DOCK3: variants seen among roughly 807,000 people sequenced by gnomAD.
DOCK3 encodes the protein dedicator of cytokinesis protein 3.
Under a neutral mutation model 265.6 loss-of-function variants are expected in DOCK3, and 60 were observed. That is an observed-to-expected ratio of 0.23 (90% CI 0.18 to 0.28). The LOEUF (loss-of-function observed/expected upper bound fraction) is 0.28, where lower values mean the gene tolerates loss of function less well. Among genes scored for constraint, DOCK3 ranks in the 10% least tolerant of loss-of-function variants. The pLI is 1.00. For missense variants in DOCK3, 1,981 were observed against 2,594.3 expected, an observed-to-expected ratio of 0.76 and a Z score of 5.14; for synonymous variants, 881 against 938.0, an observed-to-expected ratio of 0.94 and a Z score of 1.11.
intron 1 of DOCK3, among the ~76,000 whole-genome samples, chr3:50,774,179 A>G (rs1480645317): frequency 3.3e-5 from 5 of 151,956 alleles, no homozygotes; most frequent in African/African-American, 9.7e-5. Context: ...GAGAGGCTTG[A>G]TATCAGTATA....
chr3:51,186,168 G>A (rs2087589622), intron 12 of DOCK3, among the ~76,000 whole-genome samples: 1 of 152,138 alleles, frequency 6.6e-6, no homozygotes, highest in Non-Finnish European at 1.5e-5. Flanking sequence ...ATAGTGATAT[G>A]GACAATAAGG....
chr3:51,112,683 G>C (rs2083571587), intron 9 of DOCK3, among the ~76,000 whole-genome samples: 1 of 152,210 alleles, frequency 6.6e-6, no homozygotes. Context: ...AGGGGCGACT[G>C]TTGAGTGTAT....
intron 19 of DOCK3, among the ~76,000 whole-genome samples, chr3:51,234,539 T>A (rs901553266): frequency 2.6e-5 from 4 of 152,194 alleles, no homozygotes; most frequent in African/African-American, 4.8e-5. Flanking sequence ...GCTCCTTTTT[T>A]AAAAAGGTAT....
chr3:50,741,976 G>T (rs912072679), intron 1 of DOCK3, among the ~76,000 whole-genome samples: 2 of 152,096 alleles, frequency 1.3e-5, no homozygotes, highest in African/African-American at 4.8e-5. Flanking sequence ...TCTAACTGGC[G>T]TGAGATGGTA....
At chr3:50,726,368 A>G (rs140473390) in intron 1 of DOCK3, among the ~76,000 whole-genome samples, 2 of 152,204 alleles carry the variant, frequency 1.3e-5, no homozygotes, top group Non-Finnish European at 2.9e-5. Context: ...AAGGAGATAC[A>G]GGAGGTATAA....
intron 32 of DOCK3, among the ~76,000 whole-genome samples, chr3:51,318,544 G>A (rs1198632279): frequency 6.6e-6 from 1 of 151,530 alleles, no homozygotes; most frequent in African/African-American, 2.4e-5. Context: ...CTGTTTTTTG[G>A]TGCTCTTCTA....
At chr3:50,827,836 C>T (rs1326316396) in intron 2 of DOCK3, among the ~76,000 whole-genome samples, 2 of 152,058 alleles carry the variant, frequency 1.3e-5, no homozygotes, top group Non-Finnish European at 2.9e-5. Context: ...TTCTTATTTT[C>T]CTTGAATTAA....
chr3:51,278,904 T>A (rs2080965621), intron 26 of DOCK3, among the ~76,000 whole-genome samples: 1 of 152,190 alleles, frequency 6.6e-6, no homozygotes, highest in East Asian at 1.9e-4. Flanking sequence ...ATGCCCATTT[T>A]TCAGATAAAA....
At chr3:51,169,001 A>C (rs562061543) in intron 12 of DOCK3, among the ~76,000 whole-genome samples, 1 of 152,338 alleles carries the variant, frequency 6.6e-6, no homozygotes, top group African/African-American at 2.4e-5. Flanking sequence ...AACATCACTG[A>C]TCATTAGAGA....
At chr3:51,013,379 T>C (rs1039251514) in intron 5 of DOCK3, among the ~76,000 whole-genome samples, 1 of 152,222 alleles carries the variant, frequency 6.6e-6, no homozygotes, top group Non-Finnish European at 1.5e-5. Context: ...CCTTTCTGTT[T>C]GTTAGTTTTC....
At chr3:50,784,451 G>A (rs1436295357) in intron 2 of DOCK3, among the ~76,000 whole-genome samples, 2 of 152,112 alleles carry the variant, frequency 1.3e-5, no homozygotes, top group African/African-American at 4.8e-5. Context: ...TGTGATGCTT[G>A]CAGATTTGTT....
At chr3:50,963,072 C>T (rs1010938242) in intron 5 of DOCK3, among the ~76,000 whole-genome samples, 1 of 152,102 alleles carries the variant, frequency 6.6e-6, no homozygotes, top group African/African-American at 2.4e-5. Context: ...GTAATCCCAG[C>T]TACATGGGAG....
chr3:50,888,567 G>T (rs1553558570), intron 3 of DOCK3, among the ~76,000 whole-genome samples: 1 of 151,592 alleles, frequency 6.6e-6, no homozygotes, highest in Non-Finnish European at 1.5e-5. Flanking sequence ...ATCCTAAGCC[G>T]AAAGAACAAA....
intron 9 of DOCK3, among the ~76,000 whole-genome samples, chr3:51,111,922 A>G (rs2083537697): frequency 6.6e-6 from 1 of 152,242 alleles, no homozygotes; most frequent in Non-Finnish European, 1.5e-5. Flanking sequence ...TCAAAAAAAG[A>G]CATACACGTG....
At chr3:51,340,266 A>G (rs1238729786) in intron 37 of DOCK3, among the ~76,000 whole-genome samples, 1 of 152,234 alleles carries the variant, frequency 6.6e-6, no homozygotes, top group Non-Finnish European at 1.5e-5. Flanking sequence ...TGAAAAGAAT[A>G]TAGGCAAGGA....
chr3:51,381,077 CCCA>C lies in DOCK3; in HGVS notation c.5613_5615del (p.Thr1872del), dbSNP rs782431274. On this transcript the variant is annotated inframe_deletion, in exon 53 of 53. Coordinates refer to ENST00000266037, the MANE Select transcript of DOCK3 (RefSeq NM_004947.5). This position sits in a 1 kb window ranked among gnomAD's most constrained non-coding sequence, Gnocchi z 5.6. The stretch of plus-strand genomic sequence containing the variant: ...TCCTCTCCACCCTATCCCAGCCTCC[CCCA>C]CAAGCCCCCAGTCAGGTCTGGACGG... The C allele has an allele frequency of 2.7e-5, 43 of 1,607,000 alleles. No homozygotes were observed. Among genetic ancestry groups the C allele is most frequent in the Middle Eastern group, 1.7e-4 (1 of 6,034 alleles).
At chr3:50,818,229 C>T (rs1247944660) in intron 2 of DOCK3, among the ~76,000 whole-genome samples, 1 of 152,228 alleles carries the variant, frequency 6.6e-6, no homozygotes, top group African/African-American at 2.4e-5. Flanking sequence ...TTTTCTTCAA[C>T]AGTTTCAACT....
chr3:51,215,448 C>G (rs2089728214), intron 14 of DOCK3, among the ~76,000 whole-genome samples: 1 of 152,154 alleles, frequency 6.6e-6, no homozygotes, highest in Non-Finnish European at 1.5e-5. Context: ...AGTTTTAATG[C>G]TTTGCTAAAA....
chr3:50,960,524 C>T (rs1432046470), intron 5 of DOCK3, among the ~76,000 whole-genome samples: 3 of 152,048 alleles, frequency 2.0e-5, no homozygotes, highest in Non-Finnish European at 2.9e-5. Context: ...TTGAATCTTT[C>T]ACCCATTTTT....
Sources: allele counts gnomAD v4.1 joint callset (sites outside exome capture counted in the v4.1 genomes callset), GRCh38; gene constraint gnomAD v4.1.1; non-coding constraint Gnocchi (gnomAD v3.1); transcripts MANE v1.5; gene names NCBI Gene and HGNC (gene_info 2026-07-23, HGNC 2026-07-21).